The following MAPK6 variants were observed in gnomAD, a reference collection of about 807,000 sequenced individuals.
MAPK6 encodes the protein ERK-3.
Under a neutral mutation model 59.3 loss-of-function variants are expected in MAPK6, and 19 were observed. The ratio of observed to expected loss-of-function variants is 0.32; its 90% CI spans 0.22 to 0.47. The LOEUF (loss-of-function observed/expected upper bound fraction) is 0.47, where lower values mean the gene tolerates loss of function less well. MAPK6 is among the 20% of genes least tolerant of loss of function. MAPK6 has a pLI of 1.00. For synonymous variants in MAPK6, 316 were observed against 290.3 expected (o/e 1.09, Z -0.90); for missense variants, 724 against 847.9 (o/e 0.85, Z 1.81).
intron 2 of MAPK6, among the ~76,000 whole-genome samples, chr15:51,992,291 C>CTATCTATATATA (rs201111358): frequency 6.5e-5 from 7 of 108,322 alleles, no homozygotes; most frequent in African/African-American, 1.9e-4. Flanking sequence ...ATCTATCTAT[C>CTATCTATATATA]TATATATATA....
At position 52,064,771 on chromosome 15, in the gene MAPK6, C is replaced by CAGTAGAGGATGGGAAGCTTGGG; in HGVS notation, c.1938_1959dup (p.Glu654SerfsTer12). The CAGTAGAGGATGGGAAGCTTGGG allele has an allele frequency of 6.2e-7, 1 of 1,611,798 alleles. No homozygotes were observed. Among genetic ancestry groups the CAGTAGAGGATGGGAAGCTTGGG allele is most frequent in the Non-Finnish European group, 8.5e-7 (1 of 1,179,746 alleles). ...GATACTGAAATGCTAGAAACTGAGC[C>CAGTAGAGGATGGGAAGCTTGGG]AGTAGAGGATGGGAAGCTTGGGGAG... is the stretch of plus-strand genomic sequence containing the variant. On this transcript the variant is annotated frameshift_variant, in exon 6 of 6. Transcript: ENST00000261845. LOFTEE classifies it high-confidence loss of function.
chr15:51,997,590 CTT>C (rs747963086), intron 2 of MAPK6, among the ~76,000 whole-genome samples: 37 of 134,984 alleles, frequency 2.7e-4, no homozygotes, highest in African/African-American at 3.9e-4. Flanking sequence ...TTCTTTCTTT[CTT>C]TTTTTTTTTT....
chr15:52,023,759 GCAC>G (rs1181531687), intron 1 of MAPK6, among the ~76,000 whole-genome samples: 1 of 152,062 alleles, frequency 6.6e-6, no homozygotes, highest in Admixed American at 6.5e-5. Flanking sequence ...CTACAGGTGC[GCAC>G]CACCATGACC....
chr15:52,019,701 C>T (rs2030433602), intron 1 of MAPK6, among the ~76,000 whole-genome samples: 1 of 149,808 alleles, frequency 6.7e-6, no homozygotes, highest in African/African-American at 2.4e-5. Flanking sequence ...GCCGGTCGCC[C>T]TGCCAGGCCG....
chr15:52,016,070 G>GCGCACGCACACACACACA, upstream of MAPK6, among the ~76,000 whole-genome samples: 1 of 55,392 alleles, frequency 1.8e-5, no homozygotes, highest in South Asian at 1.1e-3. Context: ...GCGCGCGCGC[G>GCGCACGCACACACACACA]CACACACACA....
At chr15:52,038,533 G>A (rs966198923) in intron 1 of MAPK6, among the ~76,000 whole-genome samples, 2 of 152,304 alleles carry the variant, frequency 1.3e-5, no homozygotes, top group Non-Finnish European at 1.5e-5. Flanking sequence ...TGACAGCTAC[G>A]TTGAACTTGT....
chr15:52,044,897 G>T (rs887755333), intron 1 of MAPK6, among the ~76,000 whole-genome samples: 1 of 146,364 alleles, frequency 6.8e-6, no homozygotes, highest in African/African-American at 2.5e-5. Context: ...TAATCATTAT[G>T]AATTTGGTAT....
chr15:51,990,791 G>T (rs2057205590), intron 2 of MAPK6, among the ~76,000 whole-genome samples: 1 of 152,144 alleles, frequency 6.6e-6, no homozygotes, highest in Non-Finnish European at 1.5e-5. Context: ...TCTACTAAAA[G>T]TACGAAAACA....
At chr15:51,990,933 G>A (rs2057206165) in intron 2 of MAPK6, among the ~76,000 whole-genome samples, 1 of 151,954 alleles carries the variant, frequency 6.6e-6, no homozygotes, top group South Asian at 2.1e-4. Context: ...CAGCCTGGGC[G>A]ACAGAGCAAG....
At chr15:52,053,442 T>G (rs765994694) in intron 3 of MAPK6, among the ~76,000 whole-genome samples, 1 of 152,210 alleles carries the variant, frequency 6.6e-6, no homozygotes, top group African/African-American at 2.4e-5. Flanking sequence ...CCAGATCTAT[T>G]GCCCATTTTT....
At chr15:52,000,510 T>TA (rs2057238901) in intron 2 of MAPK6, among the ~76,000 whole-genome samples, 1 of 152,212 alleles carries the variant, frequency 6.6e-6, no homozygotes, top group African/African-American at 2.4e-5. Flanking sequence ...TCTGGCATTT[T>TA]AAAAAACTTT....
chr15:52,032,386 C>T (rs904320763), intron 1 of MAPK6, among the ~76,000 whole-genome samples: 10 of 150,792 alleles, frequency 6.6e-5, no homozygotes, highest in African/African-American at 2.4e-4. Context: ...GATGGGGTTT[C>T]TCCATTTTGG....
chr15:52,017,097 T>A (rs2030293608), upstream of MAPK6: 1 of 154,554 alleles, frequency 6.5e-6, no homozygotes, highest in African/African-American at 2.4e-5. Context: ...ATCCCCCAAA[T>A]CTTGTAATTA....
intron 1 of MAPK6, among the ~76,000 whole-genome samples, chr15:52,026,374 C>T (rs987603826): frequency 1.3e-5 from 2 of 152,164 alleles, no homozygotes; most frequent in African/African-American, 4.8e-5. Context: ...TCACTGCAGC[C>T]TCCGCCTCCT....
At chr15:52,032,349 C>T (rs1595985525) in intron 1 of MAPK6, among the ~76,000 whole-genome samples, 1 of 151,648 alleles carries the variant, frequency 6.6e-6, no homozygotes, top group Non-Finnish European at 1.5e-5. Context: ...TGCCACCATG[C>T]TCAGCTAATT....
intron 3 of MAPK6, among the ~76,000 whole-genome samples, chr15:52,010,206 C>T (rs1338553533): frequency 6.6e-6 from 1 of 152,114 alleles, no homozygotes; most frequent in African/African-American, 2.4e-5. Context: ...TACCATTCTC[C>T]TGAAGGATAA....
chr15:52,057,504 G>C (rs1254709986), intron 3 of MAPK6, among the ~76,000 whole-genome samples: 1 of 151,700 alleles, frequency 6.6e-6, no homozygotes, highest in African/African-American at 2.4e-5. Flanking sequence ...TGAATGTTTG[G>C]TGTATTCCTG....
intron 1 of MAPK6, among the ~76,000 whole-genome samples, chr15:52,035,228 T>G (rs1344289517): frequency 6.6e-6 from 1 of 152,228 alleles, no homozygotes; most frequent in Non-Finnish European, 1.5e-5. Context: ...ATTCCATGCT[T>G]CCTGTCTTGA....
chr15:52,063,580 T>G (rs2032292744), intron 5 of MAPK6, among the ~76,000 whole-genome samples: 1 of 150,644 alleles, frequency 6.6e-6, no homozygotes, highest in East Asian at 1.9e-4. Context: ...CTAGTTGCCC[T>G]TACTGTAGAG....
Sources: allele counts gnomAD v4.1 joint callset (sites outside exome capture counted in the v4.1 genomes callset), GRCh38; gene constraint gnomAD v4.1.1; transcripts MANE v1.5; gene names NCBI Gene and HGNC (gene_info 2026-07-23, HGNC 2026-07-21).